RNF125: variants seen among roughly 807,000 people sequenced by gnomAD.
RNF125 encodes the protein ring finger protein 125.
Under a neutral mutation model 26.0 loss-of-function variants are expected in RNF125, and 21 were observed. The observed-to-expected ratio is 0.81, with a 90% CI of 0.57 to 1.16. RNF125 has a LOEUF of 1.16. Ranked by LOEUF, RNF125 falls within the 50% of genes most tolerant of loss-of-function variation. The pLI is 0.00. For missense variants in RNF125, 270 were observed against 299.4 expected (o/e 0.90, Z 0.72); for synonymous variants, 95 against 109.2 (o/e 0.87, Z 0.81).
intron 1 of RNF125, among the ~76,000 whole-genome samples, chr18:32,035,206 A>G (rs575582507): frequency 6.6e-6 from 1 of 152,294 alleles, no homozygotes; most frequent in East Asian, 1.9e-4. Flanking sequence ...TATTGCAAGA[A>G]AAAGGAGGAA....
chr18:32,018,872 C>G lies in RNF125; in HGVS notation c.9C>G (p.Ser3=). Residue 3 remains serine, a synonymous_variant, in exon 1 of 6, where the codon TCC becomes TCG. Transcript: ENST00000217740. MG[S]VLSTDSGKSA... ...GGGCGAGAGGCACAGCGATGGGCTC[C>G]GTGCTGAGCACCGACAGCGGCAAAT... 1 of 1,583,100 alleles carries G rather than the reference C, an allele frequency of 6.3e-7. No individual in the cohort carries two copies. The highest frequency in any genetic ancestry group is 8.6e-7 in the Non-Finnish European group (1 of 1,165,324).
chr18:32,023,109 G>A (rs982469235), intron 1 of RNF125, among the ~76,000 whole-genome samples: 1 of 151,964 alleles, frequency 6.6e-6, no homozygotes, highest in African/African-American at 2.4e-5. Context: ...AGCCTCTCAC[G>A]TAGCTGGGAC....
intron 1 of RNF125, among the ~76,000 whole-genome samples, chr18:32,027,026 A>T (rs1254725740): frequency 6.6e-6 from 1 of 152,272 alleles, no homozygotes; most frequent in Non-Finnish European, 1.5e-5. Flanking sequence ...TACAGAATGA[A>T]TGGGTACCCC....
At chr18:32,056,728 G>A (rs1368791624) in intron 4 of RNF125, among the ~76,000 whole-genome samples, 1 of 151,646 alleles carries the variant, frequency 6.6e-6, no homozygotes, top group African/African-American at 2.4e-5. Flanking sequence ...AAGAGCAAAA[G>A]GAGTGGGAAG....
At chr18:32,064,197 T>C (rs906843413) in intron 4 of RNF125, among the ~76,000 whole-genome samples, 4 of 151,438 alleles carry the variant, frequency 2.6e-5, no homozygotes, top group African/African-American at 7.3e-5. Flanking sequence ...GGTTTTGCCA[T>C]GTTAGCCAGG....
chr18:32,068,282 T>A lies in RNF125; in HGVS notation c.613-16T>A, dbSNP rs750160685. The A allele has an allele frequency of 7.3e-7, 1 of 1,370,834 alleles. No homozygotes were observed. The allele number at this position is 1,370,834 out of a possible 1,614,324, so 84.9% of individuals were successfully genotyped here. ...TATTGACTCTGAATATTTCTAATTA[T>A]TTTTCTTTATTGTAGGATTTTAATA... On this transcript the variant is annotated splice_polypyrimidine_tract_variant and intron_variant, in intron 5 of 5. Coordinates refer to ENST00000217740, the MANE Select transcript of RNF125 (RefSeq NM_017831.4).
At chr18:32,026,931 C>T (rs2039042204) in intron 1 of RNF125, among the ~76,000 whole-genome samples, 1 of 152,172 alleles carries the variant, frequency 6.6e-6, no homozygotes, top group Admixed American at 6.5e-5. Context: ...TTTTGCCAGC[C>T]GCAAATGGGG....
chr18:32,068,388 T>C lies in RNF125; in HGVS notation c.*4T>C. The C allele has an allele frequency of 6.5e-7, 1 of 1,547,022 alleles. No homozygotes were observed. On this transcript the variant is annotated 3_prime_UTR_variant, in exon 6 of 6. Transcript: ENST00000217740. ...GAATCACTCGAACACCACATAATTTTATTAAAACGAAGGGAAAAGGGACCA... is the reference window on the plus strand; with the variant it reads ...GAATCACTCGAACACCACATAATTTCATTAAAACGAAGGGAAAAGGGACCA...
At chr18:32,063,731 T>C (rs568003044) in intron 4 of RNF125, among the ~76,000 whole-genome samples, 12 of 152,300 alleles carry the variant, frequency 7.9e-5, no homozygotes, top group Non-Finnish European at 1.6e-4. Flanking sequence ...CATGAAATAC[T>C]ACTCAGTAAT....
chr18:32,078,899 T>G, the RNF125 span, among the ~76,000 whole-genome samples: 3 of 152,262 alleles, frequency 2.0e-5, no homozygotes, highest in South Asian at 6.2e-4. Context: ...TGAAATAAAT[T>G]TCATTATTTT....
chr18:32,053,246 C>T (rs546609380), intron 4 of RNF125, among the ~76,000 whole-genome samples: 4 of 152,152 alleles, frequency 2.6e-5, no homozygotes, highest in East Asian at 1.9e-4. Context: ...CCTGTAATCC[C>T]AGCTACTCGG....
At chr18:32,085,469 G>A in the RNF125 span, among the ~76,000 whole-genome samples, 1 of 151,516 alleles carries the variant, frequency 6.6e-6, no homozygotes, top group South Asian at 2.1e-4. Context: ...AGAGGCCAAG[G>A]TGGGAGGATC....
chr18:32,048,617 G>T (rs1429183029), intron 4 of RNF125, among the ~76,000 whole-genome samples: 1 of 152,198 alleles, frequency 6.6e-6, no homozygotes, highest in Non-Finnish European at 1.5e-5. Context: ...TGAATACAGT[G>T]ATCTAGCTCC....
At chr18:32,076,967 AT>A (rs2039574471), downstream of RNF125, among the ~76,000 whole-genome samples, 1 of 152,176 alleles carries the variant, frequency 6.6e-6, no homozygotes, top group Admixed American at 6.6e-5. Flanking sequence ...TAATGTCTCC[AT>A]AACTGTACTA....
At chr18:32,051,694 C>CTTTTT (rs71177837) in intron 4 of RNF125, among the ~76,000 whole-genome samples, 47 of 117,998 alleles carry the variant, frequency 4.0e-4, no homozygotes, top group Non-Finnish European at 6.7e-4. Flanking sequence ...TATTTTCTTT[C>CTTTTT]TTTTTTTTTT....
At chr18:32,050,904 A>G (rs1447647339) in intron 4 of RNF125, among the ~76,000 whole-genome samples, 2 of 63,872 alleles carry the variant, frequency 3.1e-5, no homozygotes, top group East Asian at 5.0e-4. Flanking sequence ...TTTTTTGAAG[A>G]GACGGTGTTT....
At chr18:32,035,554 A>G (rs1169220555) in intron 1 of RNF125, among the ~76,000 whole-genome samples, 1 of 152,232 alleles carries the variant, frequency 6.6e-6, no homozygotes, top group East Asian at 1.9e-4. Flanking sequence ...GGGTGTATTC[A>G]TACAATAGAC....
intron 4 of RNF125, among the ~76,000 whole-genome samples, chr18:32,049,749 CA>C (rs986299986): frequency 8.5e-5 from 13 of 152,114 alleles, no homozygotes; most frequent in Non-Finnish European, 1.6e-4. Context: ...AATTGGAACA[CA>C]AGACCTTCAG....
At chr18:32,045,779 C>T in intron 4 of RNF125, 47 bp downstream of exon 4, 2 of 1,172,234 alleles carry the variant, frequency 1.7e-6, no homozygotes, top group East Asian at 2.4e-5. Flanking sequence ...GAATTCAGGA[C>T]ACATTAGGAA....
Sources: allele counts gnomAD v4.1 joint callset (sites outside exome capture counted in the v4.1 genomes callset), GRCh38; gene constraint gnomAD v4.1.1; transcripts MANE v1.5; gene names NCBI Gene and HGNC (gene_info 2026-07-23, HGNC 2026-07-21).